ZNF804B: variants seen among roughly 807,000 people sequenced by gnomAD.
ZNF804B encodes zinc finger 804B.
In ZNF804B, 80 loss-of-function variants were observed where a neutral mutation model predicts 101.4. The observed-to-expected ratio is 0.79, with a 90% confidence interval of 0.66 to 0.95. ZNF804B has a LOEUF of 0.95. Ranked by LOEUF, ZNF804B falls within the 40% of genes least tolerant of loss-of-function variation. The pLI is 0.00. For synonymous variants in ZNF804B, 622 were observed against 558.8 expected (o/e 1.11, Z -1.59); for missense variants, 1,673 against 1,561.9 (o/e 1.07, Z -1.20).
At chr7:89,228,289 C>T (rs1333989639) in intron 2 of ZNF804B, among the ~76,000 whole-genome samples, 5 of 152,188 alleles carry the variant, frequency 3.3e-5, no homozygotes, top group Admixed American at 1.3e-4. Flanking sequence ...AAAGCTTCCA[C>T]AGTGTGGAAG....
intron 1 of ZNF804B, among the ~76,000 whole-genome samples, chr7:88,906,851 A>G (rs1792477732): frequency 6.6e-6 from 1 of 152,074 alleles, no homozygotes; most frequent in Non-Finnish European, 1.5e-5. Context: ...TCCCACTATT[A>G]TTGTATAGCT....
At chr7:89,313,250 TA>T (rs1790669925) in intron 2 of ZNF804B, among the ~76,000 whole-genome samples, 1 of 152,236 alleles carries the variant, frequency 6.6e-6, no homozygotes, top group African/African-American at 2.4e-5. Flanking sequence ...TCTTCATCTT[TA>T]AAATTAGGTT....
intron 1 of ZNF804B, among the ~76,000 whole-genome samples, chr7:88,824,591 C>A (rs941469201): frequency 1.3e-5 from 2 of 152,158 alleles, no homozygotes; most frequent in Non-Finnish European, 2.9e-5. Flanking sequence ...TATCTAGCAC[C>A]TTCAAATCAA....
In ZNF804B at chr7:89,153,577, C is replaced by A. The variant is rs572473927; in HGVS notation, c.109-64578C>A. On this transcript the variant is annotated intron_variant, in intron 1 of 3. Transcript: ENST00000333190. ...TCTCTAGAGATATAATAAGGTTTTT[C>A]ACTACTAGCAATAATAGCAAAGAAA... Among the ~76,000 whole-genome samples, 41 of 152,002 alleles carry A rather than the reference C, an allele frequency of 2.7e-4. No individual in the cohort carries two copies. In the East Asian group the frequency reaches 7.7e-3, roughly 29 times the overall value.
At chr7:88,958,551 G>T (rs1468641195) in intron 1 of ZNF804B, among the ~76,000 whole-genome samples, 1 of 151,456 alleles carries the variant, frequency 6.6e-6, no homozygotes, top group Non-Finnish European at 1.5e-5. Flanking sequence ...TTATGCTGTT[G>T]TCTCTAGTCA....
chr7:88,760,104 A>T lies in ZNF804B; in HGVS notation c.108+20A>T, dbSNP rs374461633. ...TCTCCGGTAATGTGCGCGCGCACAC[A>T]CATACATACACAAACGTTCCAACTC... On this transcript the variant is annotated intron_variant, in intron 1 of 3. Transcript: ENST00000333190. The T allele has an allele frequency of 3.2e-6, 5 of 1,578,682 alleles. No homozygotes were observed. In the East Asian group the frequency reaches 6.7e-5, roughly 21 times the overall value.
intron 1 of ZNF804B, among the ~76,000 whole-genome samples, chr7:88,791,645 C>G (rs1291009406): frequency 6.6e-6 from 1 of 151,984 alleles, no homozygotes; most frequent in Non-Finnish European, 1.5e-5. Context: ...ACTTGTACAC[C>G]CAGTGACTAG....
intron 1 of ZNF804B, among the ~76,000 whole-genome samples, chr7:88,978,027 T>A (rs1157271331): frequency 1.3e-5 from 2 of 151,846 alleles, no homozygotes; most frequent in Non-Finnish European, 2.9e-5. Flanking sequence ...TTTTCATGTG[T>A]TTGTGTAATT....
chr7:89,155,739 G>T (rs10486904), intron 1 of ZNF804B, among the ~76,000 whole-genome samples: 17,515 of 152,178 alleles, frequency 0.12, 1,282 homozygotes, highest in Middle Eastern at 0.21. Context: ...TTGAGTTGTT[G>T]TGTCTTTATA....
chr7:89,013,572 T>A lies in ZNF804B; in HGVS notation c.109-204583T>A, dbSNP rs1788496067. Among the ~76,000 whole-genome samples, 3 of 152,358 alleles carry A rather than the reference T, an allele frequency of 2.0e-5. No homozygotes were observed. In the South Asian group the frequency reaches 6.2e-4, roughly 32 times the overall value. ...CATAGTGATGTTTTGATACATGCAATGTATAGTGATTAAAACAGGTTAATA... is the reference window on the plus strand; with the variant it reads ...CATAGTGATGTTTTGATACATGCAAAGTATAGTGATTAAAACAGGTTAATA... On this transcript the variant is annotated intron_variant, in intron 1 of 3. Coordinates refer to ENST00000333190, the MANE Select transcript of ZNF804B (RefSeq NM_181646.5).
intron 3 of ZNF804B, among the ~76,000 whole-genome samples, chr7:89,328,876 T>C (rs1279882552): frequency 1.3e-5 from 2 of 151,836 alleles, no homozygotes; most frequent in African/African-American, 4.8e-5. Context: ...CATTTCTGCT[T>C]ACCCATTCTA....
At chr7:89,023,454 A>G (rs2116218705) in intron 1 of ZNF804B, among the ~76,000 whole-genome samples, 1 of 152,322 alleles carries the variant, frequency 6.6e-6, no homozygotes, top group South Asian at 2.1e-4. Flanking sequence ...TGTTGGTGGT[A>G]TAGAAATAAA....
rs1477689122 is a variant in ZNF804B, at chr7:88,933,478, TTGAAAAGAGGAAA to T, written c.108+173400_108+173412del. On this transcript the variant is annotated intron_variant, in intron 1 of 3. Coordinates refer to ENST00000333190, the MANE Select transcript of ZNF804B (RefSeq NM_181646.5). ...AGAAAGAAACAAAGGGCATCCAAAT[TTGAAAAGAGGAAA>T]TGAAACTGTCGCTAATCACCAATGA... 5.3e-5 allele frequency among the ~76,000 whole-genome samples: 8 copies of T among 151,870 alleles called. No homozygotes were observed. In the East Asian group the frequency reaches 1.4e-3, roughly 26 times the overall value.
At chr7:88,995,557 C>T (rs1358899933) in intron 1 of ZNF804B, among the ~76,000 whole-genome samples, 1 of 151,876 alleles carries the variant, frequency 6.6e-6, no homozygotes, top group Non-Finnish European at 1.5e-5. Flanking sequence ...TCCCTAAATC[C>T]CAAGCATTCT....
intron 1 of ZNF804B, among the ~76,000 whole-genome samples, chr7:88,994,125 T>G (rs1793886228): frequency 6.6e-6 from 1 of 152,012 alleles, no homozygotes; most frequent in African/African-American, 2.4e-5. Context: ...CTTAATTTTC[T>G]CTGTGCTTGA....
At position 89,221,691 on chromosome 7, in the gene ZNF804B, T is replaced by TTTCTATTCTATTCTATTCTA. The variant is rs61397319; in HGVS notation, c.249+3438_249+3457dup. Among the ~76,000 whole-genome samples, 789 of 142,578 alleles carry TTTCTATTCTATTCTATTCTA rather than the reference T, an allele frequency of 5.5e-3. 3 individuals carry two copies. Among genetic ancestry groups the TTTCTATTCTATTCTATTCTA allele is most frequent in the East Asian group, 0.01 (48 of 4,756 alleles). 93.5% of individuals were successfully genotyped at this position (142,578 alleles called of 152,430 possible). ...TGTTGATAAACAACCTTCCTCAATA[T>TTTCTATTCTATTCTATTCTA]TTCTATTCTATTCTATTCTATTCTA... On this transcript the variant is annotated intron_variant, in intron 2 of 3. Transcript: ENST00000333190.
chr7:89,248,697 C>T (rs1218798374), intron 2 of ZNF804B, among the ~76,000 whole-genome samples: 1 of 152,028 alleles, frequency 6.6e-6, no homozygotes, highest in Admixed American at 6.6e-5. Context: ...ACTTAAGTAC[C>T]TAGCCCACAG....
intron 1 of ZNF804B, among the ~76,000 whole-genome samples, chr7:89,125,040 T>G (rs1790458829): frequency 6.6e-6 from 1 of 151,814 alleles, no homozygotes; most frequent in Admixed American, 6.6e-5. Context: ...TGTTTTTTTT[T>G]TTTTTTAGTT....
At chr7:88,848,316 C>G (rs987920847) in intron 1 of ZNF804B, among the ~76,000 whole-genome samples, 1 of 152,108 alleles carries the variant, frequency 6.6e-6, no homozygotes, top group Non-Finnish European at 1.5e-5. Flanking sequence ...GAAGGAGGAG[C>G]TGGGATGGCT....
Sources: allele counts gnomAD v4.1 joint callset (sites outside exome capture counted in the v4.1 genomes callset), GRCh38; gene constraint gnomAD v4.1.1; transcripts MANE v1.5; gene names NCBI Gene and HGNC (gene_info 2026-07-23, HGNC 2026-07-21).